The following CSNK1G1 variants were observed in gnomAD, a reference collection of about 807,000 sequenced individuals.
CSNK1G1 encodes casein kinase I isoform gamma-1.
In CSNK1G1, 22 loss-of-function variants were observed where a neutral mutation model predicts 59.6. That is an observed-to-expected ratio of 0.37 (90% CI 0.26 to 0.53). CSNK1G1 has a LOEUF of 0.53. Ranked by LOEUF, CSNK1G1 falls within the 20% of genes least tolerant of loss-of-function variation. The pLI is 0.89. For missense variants in CSNK1G1, 384 were observed against 519.5 expected, an observed-to-expected ratio of 0.74 and a Z score of 2.54; for synonymous variants, 179 against 177.1, an observed-to-expected ratio of 1.01 and a Z score of -0.08.
intron 10 of CSNK1G1, among the ~76,000 whole-genome samples, chr15:64,201,706 A>G (rs796593418): frequency 0.013 from 1,678 of 126,538 alleles, 45 homozygotes; most frequent in African/African-American, 0.048. Context: ...TCCATTGGAC[A>G]TGTGTGTGTG....
chr15:64,258,171 C>A (rs191524879), intron 3 of CSNK1G1, among the ~76,000 whole-genome samples: 1 of 152,176 alleles, frequency 6.6e-6, no homozygotes, highest in Non-Finnish European at 1.5e-5. Context: ...AATCCCAGCA[C>A]TTTGGGAGGC....
chr15:64,176,184 A>G lies in CSNK1G1; in HGVS notation c.1214+4164T>C. 7.5e-6 allele frequency: 3 copies of G among 398,706 alleles called. No homozygotes were observed. The highest frequency in any genetic ancestry group is 1.3e-5 in the Non-Finnish European group (3 of 226,116). 24.7% of individuals were successfully genotyped at this position (398,706 alleles called of 1,614,324 possible). ...CTATGGAAGCTATTTAATGTTCCTA[A>G]GGCATTTTGTTTGGCTTTGCCAGTC... On this transcript the variant is annotated intron_variant, in intron 11 of 11. Coordinates refer to ENST00000303052, the MANE Select transcript of CSNK1G1 (RefSeq NM_022048.5). This position sits in a 1 kb window ranked among gnomAD's most constrained non-coding sequence, Gnocchi z 5.2.
chr15:64,251,510 A>G lies in CSNK1G1; in HGVS notation c.292+2T>C. On this transcript the variant is annotated splice_donor_variant, in intron 4 of 11. Transcript: ENST00000303052. LOFTEE classifies it high-confidence loss of function. The stretch of plus-strand genomic sequence containing the variant: ...TAAGTGGAGAGAAAAGACTTGACTT[A>G]CCTGCACTGCCAAGCTGTTTATAAA... The G allele has an allele frequency of 6.2e-7, 1 of 1,604,630 alleles. No individual in the cohort carries two copies. Among genetic ancestry groups the G allele is most frequent in the Non-Finnish European group, 8.5e-7 (1 of 1,172,438 alleles).
At chr15:64,194,569 G>C (rs1157549935) in intron 10 of CSNK1G1, among the ~76,000 whole-genome samples, 1 of 145,032 alleles carries the variant, frequency 6.9e-6, no homozygotes, top group African/African-American at 2.6e-5. Context: ...CCAGGCTGGA[G>C]TGCAGTGGTG....
At chr15:64,206,829 T>C (rs536683981) in intron 7 of CSNK1G1, among the ~76,000 whole-genome samples, 2 of 152,336 alleles carry the variant, frequency 1.3e-5, no homozygotes, top group Non-Finnish European at 2.9e-5. Context: ...TATTCAATAA[T>C]ACACTTGAAA....
In CSNK1G1 at chr15:64,165,912, A is replaced by C. The variant is rs979626751; in HGVS notation, c.*6019T>G. 2 of 551,128 alleles carry C rather than the reference A, an allele frequency of 3.6e-6. No homozygotes were observed. Among genetic ancestry groups the C allele is most frequent in the African/African-American group, 2.0e-5 (1 of 51,104 alleles). The allele number at this position is 551,128 out of a possible 1,614,324, so 34.1% of individuals were successfully genotyped here. A position where few individuals can be genotyped will look rare whatever the true frequency, so the allele number is the denominator to read the frequency against. On this transcript the variant is annotated 3_prime_UTR_variant, in exon 12 of 12. Transcript: ENST00000303052. ...ACCCATTTTCCATTTTCTCCAAAGA[A>C]GGCTACTTCCTCTGCAGAGAAGATT...
chr15:64,258,557 T>G (rs1006809185), intron 3 of CSNK1G1, among the ~76,000 whole-genome samples: 2 of 152,154 alleles, frequency 1.3e-5, no homozygotes, highest in African/African-American at 4.8e-5. Flanking sequence ...AAACTAGTCA[T>G]ACGAAACATT....
At chr15:64,187,967 C>T (rs934614083) in intron 10 of CSNK1G1, among the ~76,000 whole-genome samples, 2 of 152,288 alleles carry the variant, frequency 1.3e-5, no homozygotes, top group East Asian at 1.9e-4. Flanking sequence ...TCAGCTTATG[C>T]GTTAAGGCAC....
At chr15:64,315,252 G>A (rs1896207978) in intron 1 of CSNK1G1, among the ~76,000 whole-genome samples, 1 of 152,144 alleles carries the variant, frequency 6.6e-6, no homozygotes, top group South Asian at 2.1e-4. Context: ...CAAGAGCTAG[G>A]GAACACAGTT....
intron 1 of CSNK1G1, among the ~76,000 whole-genome samples, chr15:64,318,332 C>T (rs1160767049): frequency 6.6e-6 from 1 of 152,010 alleles, no homozygotes; most frequent in African/African-American, 2.4e-5. Context: ...AAATGATTTT[C>T]TTTCCATCTG....
intron 1 of CSNK1G1, among the ~76,000 whole-genome samples, chr15:64,309,993 G>C (rs1317164790): frequency 6.6e-6 from 1 of 151,638 alleles, no homozygotes; most frequent in African/African-American, 2.4e-5. Context: ...CATGCCTGTA[G>C]TCTCAGCTAC....
chr15:64,208,989 T>C (rs1001077618), intron 6 of CSNK1G1, among the ~76,000 whole-genome samples: 1 of 151,734 alleles, frequency 6.6e-6, no homozygotes, highest in Non-Finnish European at 1.5e-5. Flanking sequence ...TGGGCTCAAG[T>C]GATCCTCCCA....
chr15:64,175,492 A>T (rs768975333), intron 11 of CSNK1G1, among the ~76,000 whole-genome samples: 1 of 152,170 alleles, frequency 6.6e-6, no homozygotes, highest in African/African-American at 2.4e-5. Flanking sequence ...TATGTCTTGT[A>T]GCAAGAATGT....
At position 64,213,974 on chromosome 15, in the gene CSNK1G1, T is replaced by A; in HGVS notation, c.595A>T (p.Thr199Ser). 6.2e-7 allele frequency: 1 copy of A among 1,614,190 alleles called. No individual in the cohort carries two copies. The highest frequency in any genetic ancestry group is 2.2e-5 in the East Asian group (1 of 44,876). Residue 199 changes from threonine (T) to serine (S), a missense_variant, in exon 6 of 12, where the codon ACC becomes TCC. By Grantham distance (58) the Thr-to-Ser change is moderately conservative. Transcript: ENST00000303052. Reference sequence around the variant, plus strand: ...TCCCTATAAGGTATGTGTTTTTTGGTTTCGGGGTCAATGTATTCCTTGGCC... The same window carrying A: ...TCCCTATAAGGTATGTGTTTTTTGGATTCGGGGTCAATGTATTCCTTGGCC... ...GLAKEYIDPETKKHIPYREHK... is the reference protein window; with the variant it reads ...GLAKEYIDPESKKHIPYREHK...
intron 2 of CSNK1G1, among the ~76,000 whole-genome samples, chr15:64,275,640 A>G (rs1893566159): frequency 6.6e-6 from 1 of 152,194 alleles, no homozygotes; most frequent in Non-Finnish European, 1.5e-5. Flanking sequence ...TATTAACAAG[A>G]CAGACAATGC....
intron 1 of CSNK1G1, among the ~76,000 whole-genome samples, chr15:64,352,996 C>G (rs1898401627): frequency 6.6e-6 from 1 of 151,848 alleles, no homozygotes; most frequent in East Asian, 2.0e-4. Context: ...AGCTGAGGTG[C>G]GAGAACTGCT....
At chr15:64,278,588 C>T (rs533800861) in intron 2 of CSNK1G1, among the ~76,000 whole-genome samples, 4 of 151,446 alleles carry the variant, frequency 2.6e-5, no homozygotes, top group African/African-American at 9.7e-5. Flanking sequence ...GCCACCACAC[C>T]TGGCTAATTT....
At chr15:64,220,096 C>CA (rs1555500898) in intron 4 of CSNK1G1, among the ~76,000 whole-genome samples, 2 of 136,658 alleles carry the variant, frequency 1.5e-5, no homozygotes, top group African/African-American at 2.7e-5. Flanking sequence ...AATAACATAA[C>CA]TTTTTTTTTT....
At chr15:64,327,572 GA>G (rs1157634333) in intron 1 of CSNK1G1, among the ~76,000 whole-genome samples, 2 of 141,760 alleles carry the variant, frequency 1.4e-5, no homozygotes. Context: ...CAAAGATGGG[GA>G]AAAAACAGAA....
Sources: gnomAD v4.1 joint callset for allele counts (sites outside exome capture counted in the v4.1 genomes callset) on GRCh38, gnomAD v4.1.1 for gene constraint, Gnocchi (gnomAD v3.1) non-coding constraint, MANE v1.5 for transcripts, NCBI Gene and HGNC (gene_info 2026-07-23, HGNC 2026-07-21) for gene names.